The following RAB3GAP2 variants were observed in gnomAD, a reference collection of about 807,000 sequenced individuals.
RAB3GAP2 encodes rab3 GTPase-activating protein non-catalytic subunit.
A neutral mutation model predicts 185.3 loss-of-function variants in RAB3GAP2; 87 were observed. The observed-to-expected ratio is 0.47, with a 90% CI of 0.39 to 0.56. The LOEUF is 0.56. RAB3GAP2 is among the 20% of genes least tolerant of loss of function. The pLI, the probability that RAB3GAP2 is intolerant of heterozygous loss-of-function variation, is 0.00. For missense variants in RAB3GAP2, 1,492 were observed against 1,638.2 expected, an observed-to-expected ratio of 0.91 and a Z score of 1.54; for synonymous variants, 554 against 576.1, an observed-to-expected ratio of 0.96 and a Z score of 0.55.
At chr1:220,211,310 G>A in intron 4 of RAB3GAP2, 1 of 533,198 alleles carries the variant, frequency 1.9e-6, no homozygotes, top group Non-Finnish European at 3.6e-6. Flanking sequence ...ATACACAACT[G>A]AGCAAAGCTC....
intron 21 of RAB3GAP2, among the ~76,000 whole-genome samples, chr1:220,176,470 C>T (rs1201387238): frequency 1.3e-5 from 2 of 152,304 alleles, no homozygotes; most frequent in East Asian, 3.9e-4. Context: ...AGGGGCTTGG[C>T]TACTTCCCTG....
intron 24 of RAB3GAP2, 118 bp downstream of exon 24, chr1:220,170,774 T>C: frequency 1.1e-6 from 1 of 870,316 alleles, no homozygotes; most frequent in Admixed American, 2.2e-5. Flanking sequence ...TAGAAGGTTA[T>C]TGTTATTTTT....
Position 220,170,860 on chromosome 1 carries a change from G to T in RAB3GAP2, c.2806+32C>A, listed in dbSNP as rs1186194451. ...AGAAACCCTCGTAACATAAAAAAAT[G>T]GATGCAAATGCTCAAATAAACTTCA... On this transcript the variant is annotated intron_variant, in intron 24 of 34. Coordinates refer to ENST00000358951, the MANE Select transcript of RAB3GAP2 (RefSeq NM_012414.4). 2.6e-6 allele frequency: 4 copies of T among 1,538,510 alleles called. No homozygotes were observed. The African/African-American group carries it at 5.5e-5, about 21-fold the overall frequency.
chr1:220,254,968 T>TA (rs1175915545), intron 1 of RAB3GAP2, among the ~76,000 whole-genome samples: 4 of 149,578 alleles, frequency 2.7e-5, no homozygotes, highest in East Asian at 1.9e-4. Context: ...TTTTTTTTTT[T>TA]ATGGTGCTTA....
chr1:220,182,793 A>C lies in RAB3GAP2; in HGVS notation c.2137T>G (p.Phe713Val), dbSNP rs1182001725. Reference protein sequence around the residue: ...DKDGVLPVKTFLEYLEYEKDV... With the variant: ...DKDGVLPVKTVLEYLEYEKDV... ...TTTTCATATTCTAAATATTCCAAGA[A>C]TGTTTTTACAGGCAACACACCATCT... The change falls in exon 20 of 35, where the codon TTC becomes GTC. Residue 713 changes from phenylalanine to valine, a missense_variant. Coordinates refer to ENST00000358951, the MANE Select transcript of RAB3GAP2 (RefSeq NM_012414.4). The C allele has an allele frequency of 5.0e-6, 8 of 1,613,126 alleles. No homozygotes were observed. Among genetic ancestry groups the C allele is most frequent in the Non-Finnish European group, 6.8e-6 (8 of 1,179,752 alleles).
At chr1:220,198,795 T>C (rs568753396) in intron 9 of RAB3GAP2, among the ~76,000 whole-genome samples, 5 of 152,140 alleles carry the variant, frequency 3.3e-5, no homozygotes, top group Non-Finnish European at 7.4e-5. Flanking sequence ...CTTCCCACAC[T>C]TTGAAAGACA....
intron 15 of RAB3GAP2, 59 bp from the exon 16 acceptor site, chr1:220,190,205 T>G: frequency 3.3e-6 from 5 of 1,538,194 alleles, no homozygotes; most frequent in Non-Finnish European, 4.5e-6. Context: ...TTTCTAATTC[T>G]GACACACTCC....
intron 1 of RAB3GAP2, among the ~76,000 whole-genome samples, chr1:220,269,670 T>C (rs140618789): frequency 0.069 from 10,469 of 152,148 alleles, 478 homozygotes; most frequent in South Asian, 0.12. Context: ...TGTAGTAAGC[T>C]GAGATCATGC....
chr1:220,163,740 CATACATATATATATATAT>C (rs1411022200), intron 27 of RAB3GAP2, among the ~76,000 whole-genome samples: 1 of 90,160 alleles, frequency 1.1e-5, no homozygotes, highest in Non-Finnish European at 2.0e-5. Context: ...TATATAAATA[CATACATATATATATATAT>C]ATATATATAT....
At chr1:220,210,625 T>G (rs754937778) in intron 6 of RAB3GAP2, 136 bp from the exon 7 acceptor site, 2 of 956,272 alleles carry the variant, frequency 2.1e-6, no homozygotes, top group African/African-American at 3.2e-5. Context: ...ATACAGCTCC[T>G]CTTCTCTGTA....
intron 27 of RAB3GAP2, among the ~76,000 whole-genome samples, chr1:220,164,171 T>C (rs890517077): frequency 3.3e-5 from 5 of 152,188 alleles, no homozygotes; most frequent in African/African-American, 1.2e-4. Flanking sequence ...CTAATCTTAT[T>C]AGGCTTTTGG....
intron 24 of RAB3GAP2, 98 bp downstream of exon 24, chr1:220,170,794 T>C (rs904538082): frequency 8.3e-6 from 8 of 968,666 alleles, no homozygotes; most frequent in Non-Finnish European, 1.1e-5. Flanking sequence ...TAAATCTGAG[T>C]GTATTTTTCT....
At chr1:220,247,577 T>G (rs1174512039) in intron 1 of RAB3GAP2, among the ~76,000 whole-genome samples, 1 of 152,126 alleles carries the variant, frequency 6.6e-6, no homozygotes, top group African/African-American at 2.4e-5. Flanking sequence ...AGTGATATAA[T>G]GAACTCTGAG....
At chr1:220,228,057 T>C (rs1261983531) in intron 2 of RAB3GAP2, among the ~76,000 whole-genome samples, 2 of 152,170 alleles carry the variant, frequency 1.3e-5, no homozygotes, top group South Asian at 2.1e-4. Flanking sequence ...CTGGCCTCTA[T>C]AATTGTTTTT....
At chr1:220,194,872 A>G (rs1421234706) in intron 12 of RAB3GAP2, among the ~76,000 whole-genome samples, 1 of 152,254 alleles carries the variant, frequency 6.6e-6, no homozygotes, top group East Asian at 1.9e-4. Context: ...TACCTAGTAT[A>G]TAACAGGGAT....
chr1:220,171,811 G>T, intron 23 of RAB3GAP2, 78 bp downstream of exon 23: 1 of 1,584,350 alleles, frequency 6.3e-7, no homozygotes, highest in Non-Finnish European at 8.7e-7. Context: ...AAAACCCCCC[G>T]AAAAACCCCA....
intron 1 of RAB3GAP2, among the ~76,000 whole-genome samples, chr1:220,250,865 T>C (rs1472884008): frequency 1.3e-5 from 2 of 152,224 alleles, no homozygotes; most frequent in Admixed American, 6.5e-5. Context: ...TTGCTTCCCC[T>C]TCCTCCACCA....
chr1:220,240,962 T>A (rs912379916), intron 1 of RAB3GAP2, among the ~76,000 whole-genome samples: 2 of 152,072 alleles, frequency 1.3e-5, no homozygotes, highest in African/African-American at 4.8e-5. Flanking sequence ...AGAGATTAGA[T>A]TTTACTAGTA....
chr1:220,205,981 G>C lies in RAB3GAP2; in HGVS notation c.638C>G (p.Pro213Arg), dbSNP rs1220912772. 6.2e-7 allele frequency: 1 copy of C among 1,607,724 alleles called. No individual in the cohort carries two copies. Among genetic ancestry groups the C allele is most frequent in the African/African-American group, 1.3e-5 (1 of 74,606 alleles). The change falls in exon 8 of 35, where the codon CCA (proline) becomes CGA (arginine). Residue 213 changes from proline to arginine, a missense_variant. This residue lies in a region of RAB3GAP2 where 243 missense variants were observed against 314.8 expected (regional missense o/e 0.77). Coordinates refer to ENST00000358951, the MANE Select transcript of RAB3GAP2 (RefSeq NM_012414.4). The part of the protein sequence containing the change: ...EQNEELSILY[P>R]AAIVTIDGFS... Reference sequence around the variant, plus strand: ...TCCATCAATAGTCACAATGGCAGCTGGATATAAGATACTCAACTCTTCATT... The same window carrying C: ...TCCATCAATAGTCACAATGGCAGCTCGATATAAGATACTCAACTCTTCATT...
Sources: allele counts gnomAD v4.1 joint callset (sites outside exome capture counted in the v4.1 genomes callset), GRCh38; gene constraint gnomAD v4.1.1; regional missense constraint gnomAD v4.1.1; transcripts MANE v1.5; gene names NCBI Gene and HGNC (gene_info 2026-07-23, HGNC 2026-07-21).